PPP2R2B: variants seen among roughly 807,000 people sequenced by gnomAD.
PPP2R2B encodes the protein serine/threonine-protein phosphatase 2A 55 kDa regulatory subunit B beta isoform.
A neutral mutation model predicts 46.0 loss-of-function variants in PPP2R2B; 5 were observed. The ratio of observed to expected loss-of-function variants is 0.11; its 90% CI spans 0.06 to 0.23. The LOEUF is 0.23. PPP2R2B is among the 10% of genes least tolerant of loss of function. The pLI is 1.00. For synonymous variants in PPP2R2B, 215 were observed against 206.7 expected (o/e 1.04, Z -0.34); for missense variants, 367 against 575.0 (o/e 0.64, Z 3.70).
intron 1 of PPP2R2B, among the ~76,000 whole-genome samples, chr5:146,981,789 A>G (rs1753190678): frequency 6.6e-6 from 1 of 152,208 alleles, no homozygotes; most frequent in Non-Finnish European, 1.5e-5. Flanking sequence ...TCTGTTCTCC[A>G]ATCCTATAAT....
Position 146,582,813 on chromosome 5 carries a change from C to T in PPP2R2B, c.*7134G>A, listed in dbSNP as rs1208583116. The stretch of plus-strand genomic sequence containing the variant: ...TGAGAAAGCATCTCTGAGGAGGTGA[C>T]ATTTGAGCTGAGTTTATCAGTATAT... On this transcript the variant is annotated 3_prime_UTR_variant, in exon 10 of 10. Coordinates refer to ENST00000394411, the MANE Select transcript of PPP2R2B (RefSeq NM_181675.4). 1 of 152,210 alleles carries T rather than the reference C, an allele frequency of 6.6e-6. No individual in the cohort carries two copies. Among genetic ancestry groups the T allele is most frequent in the East Asian group, 1.9e-4 (1 of 5,194 alleles). The allele number at this position is 152,210 out of a possible 1,614,324, so 9.4% of individuals were successfully genotyped here.
chr5:146,641,246 T>G (rs1301477568), intron 6 of PPP2R2B, among the ~76,000 whole-genome samples: 1 of 152,136 alleles, frequency 6.6e-6, no homozygotes, highest in African/African-American at 2.4e-5. Context: ...TGTGACACAG[T>G]GGGCAGAGCT....
At chr5:147,001,258 G>T (rs6580447) in intron 1 of PPP2R2B, among the ~76,000 whole-genome samples, 10 of 151,880 alleles carry the variant, frequency 6.6e-5, no homozygotes, top group Admixed American at 6.6e-4. Flanking sequence ...TTGTTCTTTC[G>T]CTCTTCACAA....
At chr5:146,879,248 A>C (rs900572984), upstream of PPP2R2B, 2 of 152,438 alleles carry the variant, frequency 1.3e-5, no homozygotes, top group African/African-American at 4.8e-5. Flanking sequence ...TAAGCCCTCT[A>C]GTAGGAATAG....
intron 1 of PPP2R2B, among the ~76,000 whole-genome samples, chr5:146,996,475 C>T (rs1488431089): frequency 6.6e-6 from 1 of 152,130 alleles, no homozygotes; most frequent in African/African-American, 2.4e-5. Context: ...GGAACAACTT[C>T]AGCACCACAC....
rs1010788837 is a variant in PPP2R2B, at chr5:146,585,755, T to C, written c.*4192A>G. ...GTATATTACCCATCACTGTTGTTGC[T>C]ATTATTAGTTTATGGTGCTTTAAAC... On this transcript the variant is annotated 3_prime_UTR_variant, in exon 10 of 10. Transcript: ENST00000394411. 6 of 152,250 alleles carry C rather than the reference T, an allele frequency of 3.9e-5. No homozygotes were observed. The highest frequency in any genetic ancestry group is 1.4e-4 in the African/African-American group (6 of 41,464). 9.4% of individuals were successfully genotyped at this position (152,250 alleles called of 1,614,324 possible).
intron 2 of PPP2R2B, among the ~76,000 whole-genome samples, chr5:146,702,465 G>A (rs527478734): frequency 1.8e-4 from 28 of 152,118 alleles, no homozygotes; most frequent in Admixed American, 1.4e-3. Context: ...CAAATACAAA[G>A]GCCTGCAGGG....
intron 1 of PPP2R2B, among the ~76,000 whole-genome samples, chr5:146,926,321 C>A (rs888905195): frequency 3.3e-5 from 5 of 152,014 alleles, no homozygotes; most frequent in African/African-American, 9.7e-5. Context: ...AAATCTGTTT[C>A]CCCTAGGCTA....
intron 1 of PPP2R2B, among the ~76,000 whole-genome samples, chr5:147,035,624 G>T (rs72827252): frequency 0.15 from 22,884 of 152,112 alleles, 2,126 homozygotes; most frequent in East Asian, 0.3. Flanking sequence ...TGTTATCCAA[G>T]AAACAAAATT....
intron 1 of PPP2R2B, among the ~76,000 whole-genome samples, chr5:147,013,103 G>C (rs1754824749): frequency 1.3e-5 from 2 of 149,384 alleles, no homozygotes; most frequent in African/African-American, 4.9e-5. Flanking sequence ...GACAAACAGA[G>C]AGCCAAATCA....
intron 1 of PPP2R2B, among the ~76,000 whole-genome samples, chr5:146,904,309 A>G (rs927350437): frequency 2.6e-5 from 4 of 152,208 alleles, no homozygotes; most frequent in African/African-American, 4.8e-5. Context: ...AAGAAAAAGG[A>G]AAGAATGCAA....
At chr5:146,958,436 T>C (rs1364831509) in intron 1 of PPP2R2B, among the ~76,000 whole-genome samples, 1 of 152,170 alleles carries the variant, frequency 6.6e-6, no homozygotes, top group Non-Finnish European at 1.5e-5. Flanking sequence ...GAGGAATCCA[T>C]AAAATTAGTG....
At chr5:146,694,679 C>T (rs1779071669) in intron 4 of PPP2R2B, among the ~76,000 whole-genome samples, 1 of 151,804 alleles carries the variant, frequency 6.6e-6, no homozygotes, top group Non-Finnish European at 1.5e-5. Context: ...TGTATTTTCT[C>T]ATTTTATTTC....
intron 2 of PPP2R2B, among the ~76,000 whole-genome samples, chr5:146,771,590 AGAT>A (rs1257263063): frequency 2.0e-5 from 3 of 152,238 alleles, no homozygotes; most frequent in Non-Finnish European, 4.4e-5. Context: ...GAGCAGTGGC[AGAT>A]GATGAGCTGT....
At chr5:146,932,233 A>G (rs867557282) in intron 1 of PPP2R2B, among the ~76,000 whole-genome samples, 1 of 152,284 alleles carries the variant, frequency 6.6e-6, no homozygotes, top group Non-Finnish European at 1.5e-5. Context: ...TTATCAAGGT[A>G]TCAGCCTGTC....
At chr5:146,935,048 G>A (rs552060359) in intron 1 of PPP2R2B, among the ~76,000 whole-genome samples, 3 of 152,194 alleles carry the variant, frequency 2.0e-5, no homozygotes, top group Admixed American at 6.5e-5. Context: ...TTAGTTTCTA[G>A]GCATTGAAGA....
chr5:146,603,431 C>A (rs1234342273), intron 7 of PPP2R2B, among the ~76,000 whole-genome samples: 1 of 152,156 alleles, frequency 6.6e-6, no homozygotes, highest in Non-Finnish European at 1.5e-5. Flanking sequence ...TATTGGGAAG[C>A]CAGTGCAGCA....
At chr5:146,894,376 G>A (rs1268944449) in intron 1 of PPP2R2B, among the ~76,000 whole-genome samples, 1 of 152,168 alleles carries the variant, frequency 6.6e-6, no homozygotes, top group Non-Finnish European at 1.5e-5. Context: ...GTCTACACAG[G>A]AAGGCTTGCA....
At chr5:146,720,306 G>C (rs769006715) in intron 2 of PPP2R2B, among the ~76,000 whole-genome samples, 2 of 152,166 alleles carry the variant, frequency 1.3e-5, no homozygotes, top group Non-Finnish European at 2.9e-5. Flanking sequence ...CTAAGGGCTG[G>C]CCTAACCAGT....
Sources: gnomAD v4.1 joint callset for allele counts (sites outside exome capture counted in the v4.1 genomes callset) on GRCh38, gnomAD v4.1.1 for gene constraint, MANE v1.5 for transcripts, NCBI Gene and HGNC (gene_info 2026-07-23, HGNC 2026-07-21) for gene names.